Variants in FCHSD2 observed in about 807,000 individuals in gnomAD.
The protein encoded by FCHSD2 is FCH and double SH3 domains 2, also known as F-BAR and double SH3 domains protein 2.
In FCHSD2, 38 loss-of-function variants were observed where a neutral mutation model predicts 108.1. The ratio of observed to expected loss-of-function variants is 0.35; its 90% CI spans 0.27 to 0.46. The LOEUF (loss-of-function observed/expected upper bound fraction) is 0.46. FCHSD2 is among the 20% of genes least tolerant of loss of function. The pLI is 1.00. For missense variants in FCHSD2, 751 were observed against 897.8 expected, an observed-to-expected ratio of 0.84 and a Z score of 2.09; for synonymous variants, 279 against 314.7, an observed-to-expected ratio of 0.89 and a Z score of 1.20.
intron 9 of FCHSD2, among the ~76,000 whole-genome samples, chr11:72,904,084 G>A (rs1330840815): frequency 2.6e-5 from 4 of 152,220 alleles, no homozygotes; most frequent in Admixed American, 2.6e-4. Flanking sequence ...AAGGGTACGA[G>A]AAGAGAACAA....
At chr11:73,059,175 C>A (rs1183808140) in intron 3 of FCHSD2, among the ~76,000 whole-genome samples, 1 of 152,070 alleles carries the variant, frequency 6.6e-6, no homozygotes, top group African/African-American at 2.4e-5. Context: ...AAAAGTCAAC[C>A]ATTTGGGATG....
intron 2 of FCHSD2, among the ~76,000 whole-genome samples, chr11:73,097,757 A>T (rs1860126007): frequency 2.0e-5 from 3 of 151,830 alleles, no homozygotes; most frequent in Admixed American, 6.6e-5. Context: ...ATTTTTGAAG[A>T]ATTATTATTC....
intron 12 of FCHSD2, among the ~76,000 whole-genome samples, chr11:72,871,750 A>G (rs986908940): frequency 2.2e-5 from 2 of 91,896 alleles, no homozygotes; most frequent in African/African-American, 8.4e-5. Flanking sequence ...CCTTTGGTAC[A>G]TAATTTTTTT....
chr11:73,066,843 G>A (rs1201062772), intron 3 of FCHSD2, among the ~76,000 whole-genome samples: 2 of 152,188 alleles, frequency 1.3e-5, no homozygotes, highest in Admixed American at 6.5e-5. Context: ...ACAGATGCTG[G>A]AGAGGATGTG....
chr11:73,016,168 T>C (rs201739186), intron 3 of FCHSD2, among the ~76,000 whole-genome samples: 1 of 151,924 alleles, frequency 6.6e-6, no homozygotes, highest in Middle Eastern at 3.2e-3. Flanking sequence ...CCGGGTGTGG[T>C]AGCATGCGCC....
intron 9 of FCHSD2, among the ~76,000 whole-genome samples, chr11:72,918,275 GT>G (rs1306460944): frequency 6.6e-6 from 1 of 151,954 alleles, no homozygotes; most frequent in Non-Finnish European, 1.5e-5. Flanking sequence ...AGCTCTATTA[GT>G]TTTTTTAATG....
chr11:72,891,404 G>A (rs1452021319), intron 10 of FCHSD2, among the ~76,000 whole-genome samples: 1 of 152,134 alleles, frequency 6.6e-6, no homozygotes, highest in East Asian at 1.9e-4. Flanking sequence ...CAAATAAATT[G>A]AAATAGAGCA....
chr11:73,106,850 G>A (rs1312200910), intron 2 of FCHSD2, among the ~76,000 whole-genome samples: 1 of 152,092 alleles, frequency 6.6e-6, no homozygotes, highest in Non-Finnish European at 1.5e-5. Context: ...CTCTAAGTTT[G>A]TGTAAGTACA....
chr11:72,924,136 T>G (rs1856028493), intron 8 of FCHSD2, among the ~76,000 whole-genome samples: 1 of 152,180 alleles, frequency 6.6e-6, no homozygotes, highest in African/African-American at 2.4e-5. Flanking sequence ...TGATAAGGTC[T>G]TGTCATGTTT....
At chr11:72,886,788 TTTC>T (rs1855207218) in intron 12 of FCHSD2, among the ~76,000 whole-genome samples, 1 of 152,188 alleles carries the variant, frequency 6.6e-6, no homozygotes, top group Non-Finnish European at 1.5e-5. Context: ...TTGCTAATAC[TTTC>T]TTGTTTCCTA....
Position 72,838,252 on chromosome 11 carries a change from A to C in FCHSD2, c.*539T>G, listed in dbSNP as rs1860793776. On this transcript the variant is annotated 3_prime_UTR_variant, in exon 20 of 20. Transcript: ENST00000409418. ...ATTCAGGGCAGTCCAATTTTTCCCA[A>C]TAAGGTTTCACTTTCTCAGTCTGGG... 6.5e-6 allele frequency: 1 copy of C among 153,394 alleles called. No individual in the cohort carries two copies. The allele number at this position is 153,394 out of a possible 1,614,324, so 9.5% of individuals were successfully genotyped here.
At chr11:72,865,877 T>A (rs963399145) in intron 13 of FCHSD2, among the ~76,000 whole-genome samples, 1 of 152,196 alleles carries the variant, frequency 6.6e-6, no homozygotes, top group Admixed American at 6.5e-5. Flanking sequence ...AGTCCAGTCA[T>A]ACACTGCCAT....
At chr11:73,118,143 AC>A (rs1860647441) in intron 2 of FCHSD2, among the ~76,000 whole-genome samples, 1 of 152,168 alleles carries the variant, frequency 6.6e-6, no homozygotes, top group East Asian at 1.9e-4. Context: ...ACATGGTAAC[AC>A]CCCATCTCTA....
intron 14 of FCHSD2, among the ~76,000 whole-genome samples, chr11:72,847,048 G>A (rs1308393037): frequency 6.6e-6 from 1 of 152,150 alleles, no homozygotes; most frequent in Non-Finnish European, 1.5e-5. Context: ...TCAGGCTGGA[G>A]TGCAGTGGTG....
At chr11:72,857,364 C>T (rs1303286919) in intron 13 of FCHSD2, among the ~76,000 whole-genome samples, 1 of 151,876 alleles carries the variant, frequency 6.6e-6, no homozygotes, top group Non-Finnish European at 1.5e-5. Context: ...CTTGACAGAA[C>T]TTCAATCAAA....
intron 10 of FCHSD2, among the ~76,000 whole-genome samples, chr11:72,896,023 T>G (rs969541155): frequency 1.3e-5 from 2 of 152,238 alleles, no homozygotes; most frequent in Non-Finnish European, 2.9e-5. Context: ...GGGAAATTTT[T>G]GCCAAATATT....
rs542105093 is a variant in FCHSD2 at position 72,985,977 on chromosome 11, T to C, written c.522-861A>G. On this transcript the variant is annotated intron_variant, in intron 6 of 19. Coordinates refer to ENST00000409418, the MANE Select transcript of FCHSD2 (RefSeq NM_014824.3). ...AATTCAATACATGTGTTGGCAGCTG[T>C]GCCTCATGAAGTAAAGTTGCTGGCC... 9.2e-5 allele frequency among the ~76,000 whole-genome samples: 14 copies of C among 152,256 alleles called. No individual in the cohort carries two copies. The South Asian group carries it at 2.7e-3, about 29-fold the overall frequency.
chr11:73,018,794 C>T (rs1334695191), intron 3 of FCHSD2, among the ~76,000 whole-genome samples: 3 of 152,110 alleles, frequency 2.0e-5, no homozygotes, highest in Admixed American at 6.5e-5. Flanking sequence ...TAATAAATTC[C>T]TTGGTAAAAT....
intron 12 of FCHSD2, among the ~76,000 whole-genome samples, chr11:72,870,744 C>T (rs190046133): frequency 3.1e-4 from 47 of 151,668 alleles, no homozygotes; most frequent in Non-Finnish European, 5.0e-4. Context: ...ACTAAAAATA[C>T]AAAAAATTAG....
Sources: allele counts gnomAD v4.1 joint callset (sites outside exome capture counted in the v4.1 genomes callset), GRCh38; gene constraint gnomAD v4.1.1; transcripts MANE v1.5; gene names NCBI Gene and HGNC (gene_info 2026-07-23, HGNC 2026-07-21).